KDM3A: variants seen among roughly 807,000 people sequenced by gnomAD.
The protein encoded by KDM3A is lysine demethylase 3A.
KDM3A carries 60 observed loss-of-function variants against 158.0 expected under a neutral mutation model. The observed-to-expected ratio is 0.38, with a 90% CI of 0.31 to 0.47. The LOEUF (loss-of-function observed/expected upper bound fraction) is 0.47. Among genes scored for constraint, KDM3A ranks in the 20% least tolerant of loss-of-function variants. The pLI, the probability that KDM3A is intolerant of heterozygous loss-of-function variation, is 0.99. For synonymous variants in KDM3A, 608 were observed against 549.3 expected, an observed-to-expected ratio of 1.11 and a Z score of -1.49; for missense variants, 1,319 against 1,574.3, an observed-to-expected ratio of 0.84 and a Z score of 2.74.
rs11883727 is a variant in KDM3A at position 86,492,028 on chromosome 2, A to C, written c.3886-11A>C. 0.076 allele frequency: 120,333 copies of C among 1,585,284 alleles called. 4,929 individuals carry two copies. Among genetic ancestry groups the C allele is most frequent in the African/African-American group, 0.083 (6,140 of 74,370 alleles). On this transcript the variant is annotated splice_polypyrimidine_tract_variant and intron_variant, in intron 25 of 25. Transcript: ENST00000312912. ...ATGTAAAATGCCCATATTTTCTCCTACTATTTTTAGGTGAAGAATGTTATC... is the reference window on the plus strand; with the variant it reads ...ATGTAAAATGCCCATATTTTCTCCTCCTATTTTTAGGTGAAGAATGTTATC...
upstream of KDM3A, among the ~76,000 whole-genome samples, chr2:86,439,764 T>C (rs1441854110): frequency 6.6e-6 from 1 of 152,144 alleles, no homozygotes; most frequent in Non-Finnish European, 1.5e-5. Context: ...TTCATAACAG[T>C]TCAGGAGACC....
At position 86,466,930 on chromosome 2, in the gene KDM3A, G is replaced by A. The variant is rs546475287; in HGVS notation, c.1519+47G>A. The A allele has an allele frequency of 2.1e-4, 288 of 1,381,072 alleles. 3 individuals carry two copies. In the South Asian group the frequency reaches 3.6e-3, roughly 17 times the overall value. 85.6% of individuals were successfully genotyped at this position (1,381,072 alleles called of 1,614,324 possible). A position where few individuals can be genotyped will look rare whatever the true frequency, so the allele number is the denominator to read the frequency against. On this transcript the variant is annotated intron_variant, in intron 10 of 25. Coordinates refer to ENST00000312912, the MANE Select transcript of KDM3A (RefSeq NM_018433.6). ...TATTGGTAGAAGGTAAGAAATGGTA[G>A]ATATATATATCTCTTTCTTGTCCTA...
chr2:86,472,430 A>G lies in KDM3A; in HGVS notation c.1724+2022A>G, dbSNP rs76935465. The stretch of plus-strand genomic sequence containing the variant: ...TTTGTATCTCATTAAACTCTTCTGC[A>G]AATAAAATAGGAGTAGGGGTAGGGT... On this transcript the variant is annotated intron_variant, in intron 11 of 25. Coordinates refer to ENST00000312912, the MANE Select transcript of KDM3A (RefSeq NM_018433.6). Among the ~76,000 whole-genome samples the G allele has an allele frequency of 1.3e-3, 202 of 152,232 alleles. 3 individuals carry two copies. The East Asian group carries it at 0.034, about 26-fold the overall frequency.
chr2:86,464,451 A>G (rs1461945166), intron 9 of KDM3A, among the ~76,000 whole-genome samples: 1 of 152,160 alleles, frequency 6.6e-6, no homozygotes, highest in Non-Finnish European at 1.5e-5. Context: ...AGTGTGAAGG[A>G]GCAATTGAAA....
chr2:86,463,941 C>A, intron 8 of KDM3A, 112 bp from the exon 9 acceptor site: 1 of 688,556 alleles, frequency 1.5e-6, no homozygotes, highest in Non-Finnish European at 2.3e-6. Flanking sequence ...TTTTATTTGG[C>A]AATGGTATTA....
In KDM3A at chr2:86,484,180, A is replaced by AG. The variant is rs773406797; in HGVS notation, c.3094+27dup. 8 of 1,602,658 alleles carry AG rather than the reference A, an allele frequency of 5.0e-6. No individual in the cohort carries two copies. The East Asian group carries it at 1.8e-4, about 36-fold the overall frequency. On this transcript the variant is annotated intron_variant, in intron 19 of 25. Transcript: ENST00000312912. ...CCAAGTATGTATGAAAGATCTTTTA[A>AG]GGGGGTTGGGGATGTGAAAGGAGGG...
At chr2:86,470,476 T>G (rs1339520274) in intron 11 of KDM3A, 68 bp downstream of exon 11, 2 of 1,292,800 alleles carry the variant, frequency 1.5e-6, no homozygotes, top group African/African-American at 2.9e-5. Flanking sequence ...CTGGCATACT[T>G]TTGTTACTCT....
chr2:86,463,308 A>G (rs1672999614), intron 8 of KDM3A, among the ~76,000 whole-genome samples: 1 of 152,188 alleles, frequency 6.6e-6, no homozygotes, highest in African/African-American at 2.4e-5. Flanking sequence ...AATTGGTTTC[A>G]CCTGGTTCAG....
Position 86,478,169 on chromosome 2 carries a change from G to T in KDM3A, c.2093-1G>T, listed in dbSNP as rs1297039003. 1 of 1,613,680 alleles carries T rather than the reference G, an allele frequency of 6.2e-7. No homozygotes were observed. Among genetic ancestry groups the T allele is most frequent in the Non-Finnish European group, 8.5e-7 (1 of 1,179,612 alleles). On this transcript the variant is annotated splice_acceptor_variant, in intron 13 of 25. Transcript: ENST00000312912. LOFTEE classifies it high-confidence loss of function. ...AGTTACTACAAATCAGTTATTTGCA[G>T]GTGCTGCTTACAAGACTTTCTCTTG... is the stretch of plus-strand genomic sequence containing the variant.
intron 23 of KDM3A, 78 bp downstream of exon 23, chr2:86,489,737 G>T: frequency 2.0e-6 from 3 of 1,475,644 alleles, no homozygotes; most frequent in Admixed American, 2.2e-5. Context: ...GAACTGACTG[G>T]CTTGGCTAGG....
intron 2 of KDM3A, among the ~76,000 whole-genome samples, chr2:86,445,827 G>A (rs1682936936): frequency 6.6e-6 from 1 of 152,120 alleles, no homozygotes. Context: ...CAAACATTTA[G>A]GCATAAGAAG....
intron 4 of KDM3A, among the ~76,000 whole-genome samples, chr2:86,454,681 T>G (rs1284097376): frequency 6.6e-6 from 1 of 152,212 alleles, no homozygotes. Context: ...GTGTGTCATA[T>G]CTGTGTTTTT....
chr2:86,458,398 A>C (rs1254797084), intron 8 of KDM3A, among the ~76,000 whole-genome samples: 1 of 152,222 alleles, frequency 6.6e-6, no homozygotes, highest in Non-Finnish European at 1.5e-5. Context: ...GAAAGAATGA[A>C]GAGTTAAGTA....
At chr2:86,462,809 C>A (rs955448064) in intron 8 of KDM3A, among the ~76,000 whole-genome samples, 1 of 152,146 alleles carries the variant, frequency 6.6e-6, no homozygotes, top group African/African-American at 2.4e-5. Context: ...TAAAAACCTG[C>A]TGGCCAGGCA....
chr2:86,479,938 C>CG (rs964052008), intron 15 of KDM3A: 11 of 541,898 alleles, frequency 2.0e-5, no homozygotes, highest in Middle Eastern at 4.9e-4. Flanking sequence ...TGAAAGGGTG[C>CG]GGGGGGTAAT....
intron 8 of KDM3A, among the ~76,000 whole-genome samples, chr2:86,457,662 C>G (rs1293037099): frequency 2.6e-5 from 4 of 152,142 alleles, no homozygotes; most frequent in African/African-American, 4.8e-5. Flanking sequence ...TTGTGTGTGT[C>G]AATGCCTGGC....
chr2:86,438,006 G>A (rs578111863), upstream of KDM3A, among the ~76,000 whole-genome samples: 1 of 151,972 alleles, frequency 6.6e-6, no homozygotes, highest in South Asian at 2.1e-4. Context: ...AACCTCTATT[G>A]TAACTTGAAT....
At chr2:86,444,278 G>T (rs1191712082) in intron 2 of KDM3A, among the ~76,000 whole-genome samples, 1 of 152,136 alleles carries the variant, frequency 6.6e-6, no homozygotes, top group South Asian at 2.1e-4. Context: ...ACTGCACTTT[G>T]GTGCCTAACC....
At position 86,456,893 on chromosome 2, in the gene KDM3A, A is replaced by C; in HGVS notation, c.754+16A>C. On this transcript the variant is annotated intron_variant, in intron 7 of 25. Transcript: ENST00000312912. ...GTGACATGTGGTAAGATATGTTATT[A>C]AAATCTTTCTTCTCCTTCCTCCTTT... 6.3e-7 allele frequency: 1 copy of C among 1,596,402 alleles called. No individual in the cohort carries two copies. The highest frequency in any genetic ancestry group is 2.2e-5 in the East Asian group (1 of 44,604).
Sources: allele counts gnomAD v4.1 joint callset (sites outside exome capture counted in the v4.1 genomes callset), GRCh38; gene constraint gnomAD v4.1.1; transcripts MANE v1.5; gene names NCBI Gene and HGNC (gene_info 2026-07-23, HGNC 2026-07-21).